Variants in DYNLT2 observed in about 807,000 individuals in gnomAD.
DYNLT2 encodes dynein light chain Tctex-type protein 2.
In DYNLT2, 24 loss-of-function variants were observed where a neutral mutation model predicts 24.3. The observed-to-expected ratio is 0.99, with a 90% CI of 0.71 to 1.39. The LOEUF is 1.39. Among genes scored for constraint, DYNLT2 ranks in the 40% most tolerant of loss-of-function variants. The pLI, the probability that DYNLT2 is intolerant of heterozygous loss-of-function variation, is 0.00. For missense variants in DYNLT2, 246 were observed against 234.5 expected (o/e 1.05, Z -0.32); for synonymous variants, 85 against 85.4 (o/e 1.00, Z 0.03).
Position 169,751,571 on chromosome 6 carries a change from G to A in DYNLT2, c.-113C>T, listed in dbSNP as rs958302650. The stretch of plus-strand genomic sequence containing the variant: ...CCACCTGCGCCTCGTACGGTAGGAA[G>A]TGCCCGCCAGGGCTCCAAAGCGCCT... On this transcript the variant is annotated 5_prime_UTR_variant, in exon 1 of 4. Coordinates refer to ENST00000366774, the MANE Select transcript of DYNLT2 (RefSeq NM_174910.3). The A allele has an allele frequency of 1.3e-4, 212 of 1,607,626 alleles. No individual in the cohort carries two copies. The highest frequency in any genetic ancestry group is 1.7e-4 in the Non-Finnish European group (198 of 1,177,418).
Position 169,744,156 on chromosome 6 carries a change from T to C in DYNLT2, c.239A>G (p.Lys80Arg). 1 of 1,613,508 alleles carries C rather than the reference T, an allele frequency of 6.2e-7. No homozygotes were observed. Among genetic ancestry groups the C allele is most frequent in the Non-Finnish European group, 8.5e-7 (1 of 1,179,994 alleles). ...TCTATATGAATTAGCAAACTTTAATTTTGCCAGGGCACTCTTCCATTCTTT... is the reference window on the plus strand; with the variant it reads ...TCTATATGAATTAGCAAACTTTAATCTTGCCAGGGCACTCTTCCATTCTTT... ...IGKEWKSALA[K>R]LKFANSYRME... is the part of the protein sequence containing the mutation. Residue 80 changes from lysine (K) to arginine (R), a missense_variant, in exon 2 of 4, where the codon AAA becomes AGA. Transcript: ENST00000366774.
At chr6:169,728,262 A>G in the DYNLT2 span, among the ~76,000 whole-genome samples, 1 of 152,230 alleles carries the variant, frequency 6.6e-6, no homozygotes, top group African/African-American at 2.4e-5. Flanking sequence ...TTTGAGGGCT[A>G]TAAATGGTGA....
chr6:169,743,357 C>T (rs920598639), intron 2 of DYNLT2, 119 bp from the exon 3 acceptor site: 37 of 429,586 alleles, frequency 8.6e-5, no homozygotes, highest in Middle Eastern at 6.7e-4. Context: ...TAAATATATT[C>T]CTAACTAAAT....
downstream of DYNLT2, among the ~76,000 whole-genome samples, chr6:169,737,092 C>T (rs1432612306): frequency 6.6e-6 from 1 of 151,974 alleles, no homozygotes; most frequent in Non-Finnish European, 1.5e-5. Context: ...TCCTTTCTTC[C>T]ACTTGGTCGA....
At chr6:169,732,315 A>G in the DYNLT2 span, among the ~76,000 whole-genome samples, 1 of 152,334 alleles carries the variant, frequency 6.6e-6, no homozygotes, top group Non-Finnish European at 1.5e-5. Context: ...TGATCAAAAT[A>G]TCTTTTTATT....
intron 3 of DYNLT2, among the ~76,000 whole-genome samples, chr6:169,742,661 C>T (rs893172701): frequency 2.0e-5 from 3 of 151,942 alleles, no homozygotes; most frequent in Non-Finnish European, 2.9e-5. Flanking sequence ...TGCAGTGGAG[C>T]GAACTCGGGC....
intron 3 of DYNLT2, among the ~76,000 whole-genome samples, chr6:169,742,847 C>T (rs4352686): frequency 0.18 from 27,375 of 152,044 alleles, 3,006 homozygotes; most frequent in African/African-American, 0.29. Flanking sequence ...GATCCACCTG[C>T]CTCAGCCTCC....
chr6:169,733,578 C>T, the DYNLT2 span, among the ~76,000 whole-genome samples: 32 of 152,196 alleles, frequency 2.1e-4, no homozygotes, highest in South Asian at 3.9e-3. Flanking sequence ...TCAGGTTTGT[C>T]GAAGGTCAGA....
the DYNLT2 span, among the ~76,000 whole-genome samples, chr6:169,728,158 C>T: frequency 3.3e-5 from 5 of 152,042 alleles, no homozygotes; most frequent in African/African-American, 1.2e-4. Context: ...AGGGGTTTTC[C>T]AGGTGAGGAA....
At chr6:169,741,184 C>T (rs1298821775) in intron 3 of DYNLT2, among the ~76,000 whole-genome samples, 3 of 152,150 alleles carry the variant, frequency 2.0e-5, no homozygotes, top group African/African-American at 7.2e-5. Context: ...TAAGTCTTGG[C>T]CTTGTGACTT....
chr6:169,744,316 AT>A, intron 1 of DYNLT2, 42 bp from the exon 2 acceptor site: 1 of 1,544,810 alleles, frequency 6.5e-7, no homozygotes, highest in Non-Finnish European at 8.9e-7. Context: ...AGGCAGAAAG[AT>A]TACTTTTTAA....
At chr6:169,729,106 A>G in the DYNLT2 span, among the ~76,000 whole-genome samples, 1 of 152,192 alleles carries the variant, frequency 6.6e-6, no homozygotes, top group Admixed American at 6.5e-5. Flanking sequence ...ACTTCACCCG[A>G]ATGCTAGCCA....
chr6:169,741,261 T>G (rs908324509), intron 3 of DYNLT2, among the ~76,000 whole-genome samples: 15 of 152,192 alleles, frequency 9.9e-5, no homozygotes, highest in Admixed American at 2.0e-4. Context: ...TTGTAGCTTC[T>G]GCTCTCACAC....
At chr6:169,748,895 T>C (rs1430385902) in intron 1 of DYNLT2, among the ~76,000 whole-genome samples, 1 of 152,260 alleles carries the variant, frequency 6.6e-6, no homozygotes, top group Non-Finnish European at 1.5e-5. Context: ...AAGAGTATTT[T>C]ATTCCTTTTA....
At chr6:169,734,885 C>T in the DYNLT2 span, among the ~76,000 whole-genome samples, 30 of 152,216 alleles carry the variant, frequency 2.0e-4, no homozygotes, top group African/African-American at 6.7e-4. Context: ...CTTTGTATTT[C>T]TGGTAGAATT....
chr6:169,739,375 G>A (rs1271993652), downstream of DYNLT2, among the ~76,000 whole-genome samples: 2 of 151,924 alleles, frequency 1.3e-5, no homozygotes, highest in African/African-American at 4.8e-5. Context: ...ATGATCTCAC[G>A]CTTCAGAAAA....
the DYNLT2 span, among the ~76,000 whole-genome samples, chr6:169,731,071 T>G: frequency 1.3e-5 from 2 of 151,946 alleles, no homozygotes; most frequent in East Asian, 3.9e-4. Context: ...GGTCTCAACA[T>G]AGCTTATTGG....
intron 1 of DYNLT2, among the ~76,000 whole-genome samples, chr6:169,744,871 C>T (rs1789759951): frequency 6.6e-6 from 1 of 152,068 alleles, no homozygotes; most frequent in Non-Finnish European, 1.5e-5. Context: ...TGCTTAGTGC[C>T]CAATATGTCC....
At chr6:169,728,026 C>T in the DYNLT2 span, among the ~76,000 whole-genome samples, 1 of 152,170 alleles carries the variant, frequency 6.6e-6, no homozygotes, top group Admixed American at 6.5e-5. Context: ...GTTTTGCCTT[C>T]TTGAGAGTTA....
Sources: allele counts gnomAD v4.1 joint callset (sites outside exome capture counted in the v4.1 genomes callset), GRCh38; gene constraint gnomAD v4.1.1; transcripts MANE v1.5; gene names NCBI Gene and HGNC (gene_info 2026-07-23, HGNC 2026-07-21).